Variants in EPB41L3 observed in about 807,000 individuals in gnomAD.
EPB41L3 encodes band 4.1-like protein 3.
Under a neutral mutation model 127.1 loss-of-function variants are expected in EPB41L3, and 57 were observed. The ratio of observed to expected loss-of-function variants is 0.45; its 90% CI spans 0.36 to 0.56. EPB41L3 has a LOEUF of 0.56. EPB41L3 is among the 20% of genes least tolerant of loss of function. The probability of loss-of-function intolerance (pLI) is 0.00; values close to 1 mark genes in which losing one functional copy is unlikely to be tolerated. For missense variants in EPB41L3, 1,273 were observed against 1,372.2 expected, an observed-to-expected ratio of 0.93 and a Z score of 1.14; for synonymous variants, 572 against 549.5, an observed-to-expected ratio of 1.04 and a Z score of -0.57.
At chr18:5,608,343 C>A (rs2094686275) in intron 3 of EPB41L3, among the ~76,000 whole-genome samples, 1 of 152,038 alleles carries the variant, frequency 6.6e-6, no homozygotes, top group Non-Finnish European at 1.5e-5. Flanking sequence ...GCAACGTATA[C>A]ATGCAAAAAA....
At chr18:5,420,115 A>T in intron 11 of EPB41L3, 2 of 731,716 alleles carry the variant, frequency 2.7e-6, no homozygotes, top group South Asian at 3.9e-5. Flanking sequence ...TATTTCCTAT[A>T]TGAGTGCTTT....
At chr18:5,616,358 T>A (rs1255315206) in intron 1 of EPB41L3, among the ~76,000 whole-genome samples, 1 of 152,130 alleles carries the variant, frequency 6.6e-6, no homozygotes, top group Non-Finnish European at 1.5e-5. Context: ...CCAGTCAAAA[T>A]CAACTGCTTC....
At chr18:5,483,623 GA>G (rs747884358) in intron 2 of EPB41L3, among the ~76,000 whole-genome samples, 5 of 148,464 alleles carry the variant, frequency 3.4e-5, no homozygotes, top group Middle Eastern at 3.5e-3. Flanking sequence ...TAAAAAGGTG[GA>G]AAAAAAAACC....
At chr18:5,580,747 G>A (rs1213419607) in intron 3 of EPB41L3, among the ~76,000 whole-genome samples, 1 of 152,136 alleles carries the variant, frequency 6.6e-6, no homozygotes, top group African/African-American at 2.4e-5. Flanking sequence ...CATTGCTCAA[G>A]AGATTCATTA....
chr18:5,617,578 A>T (rs1469215174), intron 1 of EPB41L3, among the ~76,000 whole-genome samples: 1 of 152,200 alleles, frequency 6.6e-6, no homozygotes, highest in African/African-American at 2.4e-5. Context: ...TCGGCCTCCC[A>T]AAGTGCTGGG....
At chr18:5,472,199 T>C (rs2086272760) in intron 3 of EPB41L3, among the ~76,000 whole-genome samples, 1 of 152,200 alleles carries the variant, frequency 6.6e-6, no homozygotes, top group African/African-American at 2.4e-5. Flanking sequence ...AATGAAACCT[T>C]ATTGAGACAA....
At position 5,445,241 on chromosome 18, in the gene EPB41L3, G is replaced by A. The variant is rs372730881; in HGVS notation, c.385C>T (p.Arg129Cys). ...GSEYTCDVEK[R>C]SRGQVLFDKV... ...TCAAACAGCACTTGTCCTCTGGAGCGTTTCTACAGAAAACAGAATAGCAAA... is the reference window on the plus strand; with the variant it reads ...TCAAACAGCACTTGTCCTCTGGAGCATTTCTACAGAAAACAGAATAGCAAA... Residue 129 changes from arginine to cysteine, a missense_variant, in exon 4 of 23, where the codon CGC becomes TGC. Around this residue, in one of 3 missense-constraint regions of EPB41L3, gnomAD observed 326 missense variants for 440.2 expected, o/e 0.74. Coordinates refer to ENST00000341928, the MANE Select transcript of EPB41L3 (RefSeq NM_012307.5). The A allele has an allele frequency of 3.8e-5, 62 of 1,612,340 alleles. No individual in the cohort carries two copies. The highest frequency in any genetic ancestry group is 1.6e-4 in the Middle Eastern group (1 of 6,084).
intron 13 of EPB41L3, among the ~76,000 whole-genome samples, chr18:5,412,787 TA>T (rs2076353557): frequency 6.8e-6 from 1 of 146,424 alleles, no homozygotes; most frequent in Non-Finnish European, 1.5e-5. Context: ...TTCCTTCCCA[TA>T]AAATGGGGAA....
At chr18:5,502,487 C>A (rs2148530837) in intron 1 of EPB41L3, among the ~76,000 whole-genome samples, 1 of 152,276 alleles carries the variant, frequency 6.6e-6, no homozygotes, top group South Asian at 2.1e-4. Context: ...TTTAGCTCGT[C>A]TATTTAAAAT....
chr18:5,511,391 GTTTTTTTTTTTTTTTTTTT>G (rs1190047630), intron 1 of EPB41L3, among the ~76,000 whole-genome samples: 28 of 59,804 alleles, frequency 4.7e-4, no homozygotes, highest in Non-Finnish European at 7.3e-4. Flanking sequence ...AGGTATTTTG[GTTTTTTTTTTTTTTTTTTT>G]TTTTTTTTTT....
At chr18:5,594,192 A>G (rs1358555843) in intron 3 of EPB41L3, among the ~76,000 whole-genome samples, 1 of 152,216 alleles carries the variant, frequency 6.6e-6, no homozygotes, top group Non-Finnish European at 1.5e-5. Flanking sequence ...AAGAAATTAT[A>G]AAAGTATTAA....
chr18:5,441,528 C>T (rs376946843), intron 5 of EPB41L3, among the ~76,000 whole-genome samples: 69 of 150,512 alleles, frequency 4.6e-4, no homozygotes, highest in African/African-American at 1.3e-3. Context: ...CGCAGTGGCG[C>T]GATCTCGACT....
At chr18:5,481,339 CA>C (rs1036729349) in intron 2 of EPB41L3, among the ~76,000 whole-genome samples, 6 of 152,068 alleles carry the variant, frequency 3.9e-5, no homozygotes, top group Admixed American at 2.0e-4. Context: ...ATCCTGAGGC[CA>C]CAGAAAAGTA....
At chr18:5,571,161 T>C (rs771339645) in intron 3 of EPB41L3, among the ~76,000 whole-genome samples, 2 of 152,208 alleles carry the variant, frequency 1.3e-5, no homozygotes, top group African/African-American at 4.8e-5. Context: ...GTGAACACAT[T>C]TGAAAGCATT....
rs115759816 is a variant in EPB41L3 at position 5,535,331 on chromosome 18, C to G, written c.-12+8582G>C. 8.6e-3 allele frequency among the ~76,000 whole-genome samples: 1,312 copies of G among 152,232 alleles called. 19 individuals carry two copies. Among genetic ancestry groups the G allele is most frequent in the African/African-American group, 0.029 (1,222 of 41,508 alleles). The stretch of plus-strand genomic sequence containing the variant: ...CCCCTGTTCTACAATATAACTCCCC[C>G]CAATGAATTACTGCTCTCATTTCAA... On this transcript the variant is annotated intron_variant, in intron 1 of 22. Transcript: ENST00000341928.
intron 1 of EPB41L3, among the ~76,000 whole-genome samples, chr18:5,535,577 AG>A (rs929631390): frequency 3.3e-5 from 5 of 152,212 alleles, no homozygotes; most frequent in African/African-American, 1.2e-4. Context: ...TAGTAACTCT[AG>A]GAAAAAATTA....
intron 2 of EPB41L3, among the ~76,000 whole-genome samples, chr18:5,613,214 C>G (rs2144072313): frequency 6.6e-6 from 1 of 152,256 alleles, no homozygotes; most frequent in African/African-American, 2.4e-5. Context: ...CTTGACCAAG[C>G]CACTAGACAT....
chr18:5,439,875 T>C (rs2080416766), intron 5 of EPB41L3, among the ~76,000 whole-genome samples: 1 of 152,260 alleles, frequency 6.6e-6, no homozygotes, highest in African/African-American at 2.4e-5. Context: ...TTATGGGAAA[T>C]GGATTTATTG....
intron 3 of EPB41L3, among the ~76,000 whole-genome samples, chr18:5,597,068 G>A (rs1301337967): frequency 4.6e-5 from 7 of 152,056 alleles, no homozygotes; most frequent in Non-Finnish European, 8.8e-5. Context: ...TGAAAAGAAG[G>A]AAAAGGAAGA....
Sources: allele counts gnomAD v4.1 joint callset (sites outside exome capture counted in the v4.1 genomes callset), GRCh38; gene constraint gnomAD v4.1.1; regional missense constraint gnomAD v4.1.1; transcripts MANE v1.5; gene names NCBI Gene and HGNC (gene_info 2026-07-23, HGNC 2026-07-21).